ABCC1: variants seen among roughly 807,000 people sequenced by gnomAD.
The protein encoded by ABCC1 is ATP binding cassette subfamily C member 1 (ABCC1 blood group), also known as multidrug resistance-associated protein 1.
A neutral mutation model predicts 172.9 loss-of-function variants in ABCC1; 83 were observed. The observed-to-expected ratio is 0.48, with a 90% CI of 0.40 to 0.58. The LOEUF (loss-of-function observed/expected upper bound fraction) is 0.58, where lower values mean the gene tolerates loss of function less well. Ranked by LOEUF, ABCC1 falls within the 20% of genes least tolerant of loss-of-function variation. The pLI is 0.00. For missense variants in ABCC1, 1,817 were observed against 2,002.7 expected (o/e 0.91, Z 1.77); for synonymous variants, 937 against 825.2 (o/e 1.14, Z -2.32).
At chr16:16,118,376 AG>A (rs1312081715) in intron 23 of ABCC1, among the ~76,000 whole-genome samples, 1 of 146,308 alleles carries the variant, frequency 6.8e-6, no homozygotes, top group Non-Finnish European at 1.5e-5. Context: ...CAGAGAGAGT[AG>A]GTCCAGTTCC....
intron 26 of ABCC1, among the ~76,000 whole-genome samples, chr16:16,127,126 T>C (rs1179780715): frequency 6.6e-6 from 1 of 152,150 alleles, no homozygotes; most frequent in Non-Finnish European, 1.5e-5. Flanking sequence ...ACCCCCACCC[T>C]ACATTAATGA....
intron 1 of ABCC1, among the ~76,000 whole-genome samples, chr16:16,006,878 G>GGTGGCGGTGGCGGTGGTGGTGGCC (rs2047554984): frequency 7.0e-6 from 1 of 143,268 alleles, no homozygotes; most frequent in Non-Finnish European, 1.5e-5. Context: ...TGGCGGTGGC[G>GGTGGCGGTGGCGGTGGTGGTGGCC]GTGATGGTGG....
intron 9 of ABCC1, among the ~76,000 whole-genome samples, chr16:16,046,698 A>C (rs188109233): frequency 6.6e-6 from 1 of 151,998 alleles, no homozygotes; most frequent in Admixed American, 6.6e-5. Context: ...GCATGGTAAG[A>C]GTATGTAGCA....
chr16:16,136,239 G>C (rs2045912529), intron 28 of ABCC1, among the ~76,000 whole-genome samples: 1 of 152,050 alleles, frequency 6.6e-6, no homozygotes, highest in African/African-American at 2.4e-5. Context: ...GGCCAGGCTG[G>C]TCTCGAACTC....
At chr16:16,101,235 T>C (rs991603499) in intron 19 of ABCC1, among the ~76,000 whole-genome samples, 1 of 152,088 alleles carries the variant, frequency 6.6e-6, no homozygotes, top group Non-Finnish European at 1.5e-5. Flanking sequence ...GGTTTTTCCA[T>C]GTTGGCCAGG....
intron 1 of ABCC1, among the ~76,000 whole-genome samples, chr16:15,956,374 A>G (rs2045998322): frequency 6.6e-6 from 1 of 152,068 alleles, no homozygotes; most frequent in Non-Finnish European, 1.5e-5. Flanking sequence ...AAAAAAAAAA[A>G]AACACAATAA....
chr16:15,957,099 A>T (rs2046014170), intron 1 of ABCC1, among the ~76,000 whole-genome samples: 1 of 151,814 alleles, frequency 6.6e-6, no homozygotes. Flanking sequence ...TATTTTTTTG[A>T]GACAGGGTCT....
At position 16,083,514 on chromosome 16, in the gene ABCC1, G is replaced by A. The variant is rs1250694431; in HGVS notation, c.2264G>A (p.Ser755Asn). 2 of 1,613,624 alleles carry A rather than the reference G, an allele frequency of 1.2e-6. No homozygotes were observed. The highest frequency in any genetic ancestry group is 8.5e-7 in the Non-Finnish European group (1 of 1,179,882). ...CTCCCAGACCTGGAAATCCTGCCCA[G>A]TGGGGATCGGACAGAGATTGGCGAG... ...ALLPDLEILPSGDRTEIGEKG... is the reference protein window; with the variant it reads ...ALLPDLEILPNGDRTEIGEKG... The change falls in exon 17 of 31, where the codon AGT becomes AAT. Residue 755 changes from serine (S) to asparagine (N), a missense_variant. Physicochemically the swap from Ser to Asn is conservative, Grantham distance 46 (BLOSUM62 1). Around this residue, in one of 3 missense-constraint regions of ABCC1, gnomAD observed 1,412 missense variants for 1,600.3 expected, o/e 0.88. Transcript: ENST00000399410.
chr16:16,078,511 C>T (rs1489056518), intron 15 of ABCC1, among the ~76,000 whole-genome samples: 1 of 152,182 alleles, frequency 6.6e-6, no homozygotes, highest in Non-Finnish European at 1.5e-5. Flanking sequence ...TGTCTTAGCA[C>T]AGCGTCCTTC....
At chr16:16,026,505 C>G (rs2048380508) in intron 5 of ABCC1, among the ~76,000 whole-genome samples, 1 of 93,564 alleles carries the variant, frequency 1.1e-5, no homozygotes, top group Non-Finnish European at 2.3e-5. Context: ...GAAGGGGGGA[C>G]CCTGTGTTGG....
chr16:16,016,420 C>T (rs2047999387), intron 4 of ABCC1, 76 bp from the exon 5 acceptor site: 4 of 1,577,358 alleles, frequency 2.5e-6, no homozygotes, highest in Admixed American at 1.7e-5. Context: ...TCCAAAAGTG[C>T]TAGGATTACA....
intron 1 of ABCC1, among the ~76,000 whole-genome samples, chr16:15,966,650 TC>T (rs1425795381): frequency 4.5e-5 from 4 of 88,124 alleles, no homozygotes; most frequent in African/African-American, 1.3e-4. Flanking sequence ...TTTCTCTCTC[TC>T]TTTTTTTTTT....
chr16:16,111,538 C>T lies in ABCC1; in HGVS notation c.3035C>T (p.Thr1012Met), dbSNP rs765246385. 18 of 1,614,046 alleles carry T rather than the reference C, an allele frequency of 1.1e-5. No individual in the cohort carries two copies. The highest frequency in any genetic ancestry group is 1.7e-4 in the Middle Eastern group (1 of 5,972). ...DPIVNGTQEH[T>M]KVRLSVYGAL... Reference sequence around the variant, plus strand: ...ATCGTCAACGGGACTCAGGAGCACACGAAAGTCCGGCTGAGCGTCTATGGA... The same window carrying T: ...ATCGTCAACGGGACTCAGGAGCACATGAAAGTCCGGCTGAGCGTCTATGGA... Residue 1012 changes from threonine to methionine, a missense_variant, in exon 22 of 31, where the codon ACG becomes ATG. Physicochemically the swap from Thr to Met is moderately conservative, Grantham distance 81. This residue lies in a region of ABCC1 where 1,412 missense variants were observed against 1,600.3 expected (regional missense o/e 0.88). Coordinates refer to ENST00000399410, the MANE Select transcript of ABCC1 (RefSeq NM_004996.4).
intron 19 of ABCC1, among the ~76,000 whole-genome samples, chr16:16,093,333 G>A (rs1010512699): frequency 6.6e-6 from 1 of 151,962 alleles, no homozygotes; most frequent in African/African-American, 2.4e-5. Flanking sequence ...CCGTCCAGGT[G>A]AGCAAAAAAT....
intron 19 of ABCC1, among the ~76,000 whole-genome samples, chr16:16,096,226 CA>C (rs35006643): frequency 0.56 from 78,979 of 141,302 alleles, 21,350 homozygotes; most frequent in Non-Finnish European, 0.62. Context: ...GAGACTGTCT[CA>C]AAAAAAAAAC....
At chr16:16,087,183 TA>T (rs1441139201) in intron 18 of ABCC1, among the ~76,000 whole-genome samples, 192 bp downstream of exon 18, 1 of 152,120 alleles carries the variant, frequency 6.6e-6, no homozygotes, top group Non-Finnish European at 1.5e-5. Context: ...TTTATAGGGG[TA>T]AGTCCTCCGC....
intron 20 of ABCC1, among the ~76,000 whole-genome samples, chr16:16,104,399 G>A (rs8052419): frequency 0.28 from 42,758 of 151,896 alleles, 6,317 homozygotes; most frequent in African/African-American, 0.38. Context: ...AGCTAGATAC[G>A]TAAGTTCCCC....
At chr16:16,023,453 C>G (rs763911684) in intron 5 of ABCC1, among the ~76,000 whole-genome samples, 2 of 152,168 alleles carry the variant, frequency 1.3e-5, no homozygotes, top group African/African-American at 4.8e-5. Flanking sequence ...CCTCGTGCCC[C>G]TTCATGATCA....
intron 1 of ABCC1, among the ~76,000 whole-genome samples, chr16:16,002,062 A>T (rs368311639): frequency 6.6e-6 from 1 of 152,158 alleles, no homozygotes; most frequent in Non-Finnish European, 1.5e-5. Context: ...GTGAAATTCA[A>T]TTGTTTATTC....
Sources: gnomAD v4.1 joint callset for allele counts (sites outside exome capture counted in the v4.1 genomes callset) on GRCh38, gnomAD v4.1.1 for gene constraint, gnomAD v4.1.1 regional missense constraint, MANE v1.5 for transcripts, NCBI Gene and HGNC (gene_info 2026-07-23, HGNC 2026-07-21) for gene names.